FSTL4: variants seen among roughly 807,000 people sequenced by gnomAD.
FSTL4 encodes the protein follistatin-related protein 4.
Under a neutral mutation model 78.2 loss-of-function variants are expected in FSTL4, and 28 were observed. The observed-to-expected ratio is 0.36, with a 90% CI of 0.27 to 0.49. The LOEUF (loss-of-function observed/expected upper bound fraction) is 0.49, where lower values mean the gene tolerates loss of function less well. Among genes scored for constraint, FSTL4 ranks in the 20% least tolerant of loss-of-function variants. The pLI is 0.98. For missense variants in FSTL4, 922 were observed against 1,084.9 expected (o/e 0.85, Z 2.11); for synonymous variants, 422 against 440.5 (o/e 0.96, Z 0.53).
At chr5:133,578,233 CT>C (rs796832242) in intron 2 of FSTL4, among the ~76,000 whole-genome samples, 18 of 152,370 alleles carry the variant, frequency 1.2e-4, no homozygotes, top group African/African-American at 4.1e-4. Flanking sequence ...TCAATAGCTT[CT>C]TGTGGGCAGA....
chr5:133,681,796 G>C, the FSTL4 span, among the ~76,000 whole-genome samples: 3 of 152,170 alleles, frequency 2.0e-5, no homozygotes, highest in Non-Finnish European at 4.4e-5. Context: ...GGTCTCTGAA[G>C]GACCCAGCAT....
At chr5:133,322,643 G>A (rs977660711) in intron 4 of FSTL4, among the ~76,000 whole-genome samples, 2 of 152,180 alleles carry the variant, frequency 1.3e-5, no homozygotes, top group African/African-American at 4.8e-5. Flanking sequence ...TGAGGTGGGA[G>A]GGAGCCAGGA....
At chr5:133,574,635 A>C (rs1280128975) in intron 2 of FSTL4, among the ~76,000 whole-genome samples, 2 of 152,236 alleles carry the variant, frequency 1.3e-5, no homozygotes, top group South Asian at 2.1e-4. Context: ...GAGCACCAAA[A>C]TGCATGTATA....
the FSTL4 span, among the ~76,000 whole-genome samples, chr5:133,660,282 A>G: frequency 6.6e-6 from 1 of 152,350 alleles, no homozygotes; most frequent in South Asian, 2.1e-4. Context: ...TCAGCAGCTT[A>G]AAAAGCAATT....
chr5:133,546,013 T>C (rs1005066940), intron 3 of FSTL4, among the ~76,000 whole-genome samples: 2 of 152,228 alleles, frequency 1.3e-5, no homozygotes, highest in Non-Finnish European at 2.9e-5. Flanking sequence ...CTATGGACTG[T>C]AGAACTTAAG....
the FSTL4 span, among the ~76,000 whole-genome samples, chr5:133,754,086 T>C: frequency 6.6e-6 from 1 of 152,108 alleles, no homozygotes. Context: ...CCGCCAACAG[T>C]GGAGACAACT....
chr5:133,564,914 A>G (rs1420871659), intron 3 of FSTL4, among the ~76,000 whole-genome samples: 1 of 152,232 alleles, frequency 6.6e-6, no homozygotes, highest in African/African-American at 2.4e-5. Flanking sequence ...CTCAACACAC[A>G]TACTTAGTCA....
intron 6 of FSTL4, among the ~76,000 whole-genome samples, chr5:133,258,314 G>C (rs1752432905): frequency 6.6e-6 from 1 of 152,128 alleles, no homozygotes. Flanking sequence ...TGTCTGTGAG[G>C]GTGTTTCTGG....
the FSTL4 span, among the ~76,000 whole-genome samples, chr5:133,711,997 A>G: frequency 6.6e-6 from 1 of 152,172 alleles, no homozygotes; most frequent in Admixed American, 6.5e-5. Context: ...ACCCAAGGTC[A>G]CACGGCTACA....
the FSTL4 span, among the ~76,000 whole-genome samples, chr5:133,743,113 A>G: frequency 6.6e-6 from 1 of 152,192 alleles, no homozygotes; most frequent in African/African-American, 2.4e-5. Context: ...TCAGGAGAAA[A>G]AAATCTAAGT....
At chr5:133,786,273 G>A in the FSTL4 span, among the ~76,000 whole-genome samples, 1 of 152,194 alleles carries the variant, frequency 6.6e-6, no homozygotes, top group Non-Finnish European at 1.5e-5. Context: ...CTGAAGAATG[G>A]AATGAGGGAT....
At chr5:133,518,899 A>C (rs1287483007) in intron 3 of FSTL4, among the ~76,000 whole-genome samples, 1 of 152,246 alleles carries the variant, frequency 6.6e-6, no homozygotes, top group East Asian at 1.9e-4. Context: ...ATTACAAAGG[A>C]TATTTATTCC....
the FSTL4 span, among the ~76,000 whole-genome samples, chr5:133,618,381 A>C: frequency 2.0e-5 from 3 of 152,184 alleles, no homozygotes; most frequent in African/African-American, 7.2e-5. Context: ...AAAGCCATGG[A>C]GGGGAGGAGG....
At chr5:133,443,400 A>C (rs974931997) in intron 3 of FSTL4, among the ~76,000 whole-genome samples, 1 of 152,232 alleles carries the variant, frequency 6.6e-6, no homozygotes, top group Non-Finnish European at 1.5e-5. Flanking sequence ...CACACTCTCT[A>C]GTGTTGGCGC....
the FSTL4 span, among the ~76,000 whole-genome samples, chr5:133,840,780 A>G: frequency 1.3e-5 from 2 of 152,358 alleles, no homozygotes; most frequent in Admixed American, 1.3e-4. Context: ...ACTGAAGTAT[A>G]AGAGGAGATA....
At position 133,382,924 on chromosome 5, in the gene FSTL4, G is replaced by C. The variant is rs74887322; in HGVS notation, c.409+17814C>G. ...CAGGGAAAGAAAGAGGGCACAGAGA[G>C]AGACAGGGAGAGAGAGAGAAGGGGG... On this transcript the variant is annotated intron_variant, in intron 4 of 15. Coordinates refer to ENST00000265342, the MANE Select transcript of FSTL4 (RefSeq NM_015082.2). Among the ~76,000 whole-genome samples the C allele has an allele frequency of 8.6e-4, 131 of 151,608 alleles. 2 individuals carry two copies. In the East Asian group the frequency reaches 0.021, roughly 24 times the overall value.
intron 3 of FSTL4, among the ~76,000 whole-genome samples, chr5:133,491,307 T>G (rs900604413): frequency 6.6e-6 from 1 of 152,210 alleles, no homozygotes; most frequent in African/African-American, 2.4e-5. Flanking sequence ...GTGTTCCCAG[T>G]GAATTGTTTC....
the FSTL4 span, among the ~76,000 whole-genome samples, chr5:133,768,113 A>C: frequency 4.0e-4 from 61 of 152,242 alleles, no homozygotes; most frequent in African/African-American, 1.3e-3. Context: ...GAGGATTTTT[A>C]GCAGCTAACT....
the FSTL4 span, among the ~76,000 whole-genome samples, chr5:133,819,966 G>A: frequency 0.066 from 10,079 of 152,178 alleles, 660 homozygotes; most frequent in African/African-American, 0.16. Flanking sequence ...GGAGGTGGCC[G>A]CTCATAGGTA....
Sources: gnomAD v4.1 joint callset for allele counts (sites outside exome capture counted in the v4.1 genomes callset) on GRCh38, gnomAD v4.1.1 for gene constraint, MANE v1.5 for transcripts, NCBI Gene and HGNC (gene_info 2026-07-23, HGNC 2026-07-21) for gene names.